DTNB: variants seen among roughly 807,000 people sequenced by gnomAD.
DTNB encodes dystrobrevin beta, also known as DTN-B.
A neutral mutation model predicts 90.7 loss-of-function variants in DTNB; 63 were observed. The ratio of observed to expected loss-of-function variants is 0.69; its 90% CI spans 0.57 to 0.86. The LOEUF (loss-of-function observed/expected upper bound fraction) is 0.86, where lower values mean the gene tolerates loss of function less well. DTNB is among the 40% of genes least tolerant of loss of function. The probability of loss-of-function intolerance (pLI) is 0.00; values close to 1 mark genes in which losing one functional copy is unlikely to be tolerated. For synonymous variants in DTNB, 277 were observed against 286.7 expected, an observed-to-expected ratio of 0.97 and a Z score of 0.34; for missense variants, 744 against 807.1, an observed-to-expected ratio of 0.92 and a Z score of 0.95.
intron 16 of DTNB, among the ~76,000 whole-genome samples, chr2:25,407,619 C>T (rs1268901929): frequency 6.6e-6 from 1 of 152,164 alleles, no homozygotes; most frequent in African/African-American, 2.4e-5. Flanking sequence ...ATATCTTTTG[C>T]AGCAACCTGA....
chr2:25,586,225 G>T (rs527745414), intron 6 of DTNB, among the ~76,000 whole-genome samples: 3 of 151,896 alleles, frequency 2.0e-5, no homozygotes, highest in African/African-American at 7.3e-5. Flanking sequence ...CATTAAGCAC[G>T]GGCGGCCAGG....
intron 8 of DTNB, among the ~76,000 whole-genome samples, chr2:25,541,505 AAAAT>A (rs1021766400): frequency 3.7e-4 from 57 of 152,240 alleles, no homozygotes; most frequent in African/African-American, 1.1e-3. Context: ...TACATAAATA[AAAAT>A]AAATAAATAA....
chr2:25,537,207 T>G (rs1412371147), intron 8 of DTNB, among the ~76,000 whole-genome samples: 3 of 152,100 alleles, frequency 2.0e-5, no homozygotes, highest in Non-Finnish European at 2.9e-5. Context: ...TTTTTTTTTT[T>G]GAGGATTACA....
chr2:25,485,749 A>C (rs2065975198), intron 9 of DTNB, among the ~76,000 whole-genome samples: 1 of 152,128 alleles, frequency 6.6e-6, no homozygotes, highest in Non-Finnish European at 1.5e-5. Flanking sequence ...GAAAGCCAAC[A>C]GCTCAGATGC....
At chr2:25,641,415 G>A (rs2078272288) in intron 2 of DTNB, among the ~76,000 whole-genome samples, 1 of 152,098 alleles carries the variant, frequency 6.6e-6, no homozygotes, top group African/African-American at 2.4e-5. Context: ...TTTCTTAGAA[G>A]GAAAGTCCTC....
chr2:25,595,821 T>C (rs530334755), intron 6 of DTNB, among the ~76,000 whole-genome samples: 1 of 152,294 alleles, frequency 6.6e-6, no homozygotes, highest in East Asian at 1.9e-4. Flanking sequence ...AGCAAAAATG[T>C]ACACACTTGT....
At chr2:25,506,352 C>T (rs1268891863) in intron 9 of DTNB, among the ~76,000 whole-genome samples, 2 of 151,870 alleles carry the variant, frequency 1.3e-5, no homozygotes, top group Admixed American at 6.6e-5. Context: ...CCCTAAATAC[C>T]GAGTTGTTTT....
chr2:25,616,881 G>A (rs1039141330), intron 4 of DTNB, among the ~76,000 whole-genome samples: 7 of 133,264 alleles, frequency 5.3e-5, no homozygotes, highest in East Asian at 2.5e-4. Flanking sequence ...GCAGTGAGCC[G>A]AGATCGCGCC....
intron 8 of DTNB, chr2:25,576,419 G>C (rs140300541): frequency 6.6e-6 from 1 of 151,962 alleles, no homozygotes; most frequent in Admixed American, 6.6e-5. Flanking sequence ...TAGTAGAGAC[G>C]GGGTTTCACT....
At chr2:25,464,430 C>A (rs2061463506) in intron 10 of DTNB, among the ~76,000 whole-genome samples, 2 of 152,074 alleles carry the variant, frequency 1.3e-5, no homozygotes, top group South Asian at 2.1e-4. Context: ...ATTTGAGCAA[C>A]AAAATAAATA....
rs141890657 is a variant in DTNB, at chr2:25,639,215, G to A, written c.68-121C>T. 6.7e-5 allele frequency: 62 copies of A among 919,164 alleles called. No individual in the cohort carries two copies. The African/African-American group carries it at 7.9e-4, about 12-fold the overall frequency. 56.9% of individuals were successfully genotyped at this position (919,164 alleles called of 1,614,324 possible). The stretch of plus-strand genomic sequence containing the variant: ...CAGTCAGCTAGGACTTCTTAAAAAC[G>A]GTGGGTCAATTAAAACAACAACAGA... On this transcript the variant is annotated intron_variant, in intron 2 of 20. Transcript: ENST00000406818.
intron 19 of DTNB, among the ~76,000 whole-genome samples, chr2:25,381,028 G>A (rs1367468802): frequency 6.6e-6 from 1 of 152,238 alleles, no homozygotes; most frequent in Non-Finnish European, 1.5e-5. Context: ...AGTGGCTGGG[G>A]CAGTCCTAGG....
rs532211180 is a variant in DTNB, at chr2:25,640,875, G to A, written c.68-1781C>T. Among the ~76,000 whole-genome samples, 5 of 152,122 alleles carry A rather than the reference G, an allele frequency of 3.3e-5. No individual in the cohort carries two copies. The South Asian group carries it at 8.3e-4, about 25-fold the overall frequency. Reference sequence around the variant, plus strand: ...CAAAAAATTAGCCGGGTGAGGTGGTGGGCGCCTGTAGTCCCAGCTACTCGG... The same window carrying A: ...CAAAAAATTAGCCGGGTGAGGTGGTAGGCGCCTGTAGTCCCAGCTACTCGG... On this transcript the variant is annotated intron_variant, in intron 2 of 20. Transcript: ENST00000406818.
At chr2:25,629,334 G>C (rs1177893295) in intron 3 of DTNB, among the ~76,000 whole-genome samples, 1 of 152,108 alleles carries the variant, frequency 6.6e-6, no homozygotes, top group African/African-American at 2.4e-5. Context: ...ACTGAAATTA[G>C]GAAAACACAA....
At chr2:25,412,767 C>G (rs867013903) in intron 16 of DTNB, among the ~76,000 whole-genome samples, 4 of 152,154 alleles carry the variant, frequency 2.6e-5, no homozygotes, top group African/African-American at 9.7e-5. Flanking sequence ...TTATGGTGCA[C>G]TGAGTCACTG....
At chr2:25,653,256 C>G (rs1248966525) in intron 1 of DTNB, 1 of 152,042 alleles carries the variant, frequency 6.6e-6, no homozygotes, top group East Asian at 1.9e-4. Context: ...CCGTGCTATT[C>G]TCGTGACAGT....
chr2:25,544,813 C>T (rs986716689), intron 8 of DTNB, among the ~76,000 whole-genome samples: 1 of 152,212 alleles, frequency 6.6e-6, no homozygotes, highest in African/African-American at 2.4e-5. Context: ...TGCTTAAAGT[C>T]ATCCACATTT....
At chr2:25,604,580 A>T (rs2066666339) in intron 5 of DTNB, among the ~76,000 whole-genome samples, 1 of 151,666 alleles carries the variant, frequency 6.6e-6, no homozygotes, top group South Asian at 2.1e-4. Context: ...CTAACTTTTT[A>T]AATTACTTTT....
chr2:25,541,385 G>A (rs1264506334), intron 8 of DTNB, among the ~76,000 whole-genome samples: 1 of 152,104 alleles, frequency 6.6e-6, no homozygotes, highest in Non-Finnish European at 1.5e-5. Flanking sequence ...GGGAGGCTGA[G>A]GCAGGAGAAT....
Sources: gnomAD v4.1 joint callset for allele counts (sites outside exome capture counted in the v4.1 genomes callset) on GRCh38, gnomAD v4.1.1 for gene constraint, MANE v1.5 for transcripts, NCBI Gene and HGNC (gene_info 2026-07-23, HGNC 2026-07-21) for gene names.